Variants in PSEN2 observed in about 807,000 individuals in gnomAD.
PSEN2 encodes the protein presenilin-2.
A neutral mutation model predicts 49.1 loss-of-function variants in PSEN2; 32 were observed. That is an observed-to-expected ratio of 0.65 (90% CI 0.49 to 0.88). PSEN2 has a LOEUF of 0.88. PSEN2 is among the 40% of genes least tolerant of loss of function. The pLI is 0.00. For missense variants in PSEN2, 522 were observed against 586.9 expected, an observed-to-expected ratio of 0.89 and a Z score of 1.14; for synonymous variants, 255 against 244.0, an observed-to-expected ratio of 1.05 and a Z score of -0.42.
Position 226,882,975 on chromosome 1 carries a change from TTTC to T in PSEN2, c.142-727_142-725del, listed in dbSNP as rs139576184. On this transcript the variant is annotated intron_variant, in intron 4 of 12. Transcript: ENST00000366783. The stretch of plus-strand genomic sequence containing the variant: ...TTTCAGTTTTTGTTTCATTTGGCTT[TTTC>T]TTTAGCTGTTCACCTCATTAGCAAG... Among the ~76,000 whole-genome samples, 1,257 of 152,356 alleles carry T rather than the reference TTTC, an allele frequency of 8.3e-3. 13 individuals carry two copies. Among genetic ancestry groups the T allele is most frequent in the African/African-American group, 0.028 (1,182 of 41,574 alleles).
chr1:226,876,972 AT>A (rs1470195303), intron 3 of PSEN2, among the ~76,000 whole-genome samples: 2 of 151,852 alleles, frequency 1.3e-5, no homozygotes, highest in Non-Finnish European at 2.9e-5. Flanking sequence ...CTGGTCTGAG[AT>A]TTTTCCACTC....
chr1:226,873,471 G>A (rs932159736), intron 2 of PSEN2, among the ~76,000 whole-genome samples: 27 of 152,100 alleles, frequency 1.8e-4, no homozygotes, highest in African/African-American at 3.6e-4. Flanking sequence ...GCTGGAGTGC[G>A]ATGGTATGAT....
At position 226,895,434 on chromosome 1, in the gene PSEN2, T is replaced by A; in HGVS notation, c.1202T>A (p.Leu401Gln). 1 of 1,614,090 alleles carries A rather than the reference T, an allele frequency of 6.2e-7. No individual in the cohort carries two copies. The highest frequency in any genetic ancestry group is 8.5e-7 in the Non-Finnish European group (1 of 1,180,004). ...CFVAILIGLC[L>Q]TLLLLAVFKK... ...CTCCATGTCCTGCAGGGCTTGTGTCTGACCCTCCTGCTGCTTGCTGTGTTC... is the reference window on the plus strand; with the variant it reads ...CTCCATGTCCTGCAGGGCTTGTGTCAGACCCTCCTGCTGCTTGCTGTGTTC... The change falls in exon 13 of 13, where the codon CTG becomes CAG. Residue 401 changes from leucine (L) to glutamine (Q), a missense_variant. Physicochemically the swap from Leu to Gln is moderately radical, Grantham distance 113 (BLOSUM62 -2). Transcript: ENST00000366783.
At chr1:226,900,640 G>T (rs1571979565), downstream of PSEN2, among the ~76,000 whole-genome samples, 1 of 152,294 alleles carries the variant, frequency 6.6e-6, no homozygotes, top group East Asian at 1.9e-4. Context: ...GAAGGGTCCG[G>T]TCTGAGTGAA....
intron 3 of PSEN2, 56 bp from the exon 4 acceptor site, chr1:226,881,832 C>G: frequency 6.2e-7 from 1 of 1,610,386 alleles, no homozygotes; most frequent in Non-Finnish European, 8.5e-7. Context: ...CCTGAGTCCT[C>G]CACTGCCTTT....
chr1:226,889,157 T>A, intron 8 of PSEN2, 108 bp downstream of exon 8: 1 of 1,016,044 alleles, frequency 9.8e-7, no homozygotes, highest in Non-Finnish European at 1.5e-6. Context: ...CATCCCTTTC[T>A]GCAGAGGCCT....
At chr1:226,875,728 G>A (rs1182159494) in intron 3 of PSEN2, among the ~76,000 whole-genome samples, 178 bp downstream of exon 3, 1 of 152,182 alleles carries the variant, frequency 6.6e-6, no homozygotes, top group African/African-American at 2.4e-5. Context: ...TGAAAAGAAG[G>A]TCGAGGAAAT....
At chr1:226,883,614 C>T in intron 4 of PSEN2, 91 bp from the exon 5 acceptor site, 1 of 1,238,114 alleles carries the variant, frequency 8.1e-7, no homozygotes, top group Non-Finnish European at 1.2e-6. Context: ...AACATTCAAA[C>T]TTCTCATTTC....
At chr1:226,890,252 CCA>C (rs1661657039) in intron 9 of PSEN2, 119 bp downstream of exon 9, 1 of 833,548 alleles carries the variant, frequency 1.2e-6, no homozygotes, top group Admixed American at 1.8e-5. Flanking sequence ...AGGAGGGTCT[CCA>C]CTTTCAGAAG....
chr1:226,871,606 AACTT>A (rs1186873949), intron 2 of PSEN2, among the ~76,000 whole-genome samples: 2 of 152,220 alleles, frequency 1.3e-5, no homozygotes, highest in African/African-American at 2.4e-5. Context: ...ATTGTAGACT[AACTT>A]AACTCAGAAG....
In PSEN2 at chr1:226,894,103, C is replaced by G; in HGVS notation, c.1169C>G (p.Ala390Gly). The change falls in exon 12 of 13, where the codon GCC becomes GGC. Residue 390 changes from alanine to glycine, a missense_variant. Transcript: ENST00000366783. ...AGCGGGGACTGGAATACCACGCTGG[C>G]CTGCTTCGTGGCCATCCTCATTGTG... ...TGSGDWNTTL[A>G]CFVAILIGLC... 1 of 1,614,118 alleles carries G rather than the reference C, an allele frequency of 6.2e-7. No homozygotes were observed. The highest frequency in any genetic ancestry group is 8.5e-7 in the Non-Finnish European group (1 of 1,179,976).
In PSEN2 at chr1:226,895,601, T is replaced by C; in HGVS notation, c.*22T>C. ...CTGAGGGACATGGTGTGCCACAGGC[T>C]GCAAGCTGCAGGGAATTTTCATTGG... On this transcript the variant is annotated 3_prime_UTR_variant, in exon 13 of 13. Coordinates refer to ENST00000366783, the MANE Select transcript of PSEN2 (RefSeq NM_000447.3). 1 of 1,603,436 alleles carries C rather than the reference T, an allele frequency of 6.2e-7. No individual in the cohort carries two copies. Among genetic ancestry groups the C allele is most frequent in the Non-Finnish European group, 8.5e-7 (1 of 1,174,474 alleles).
At chr1:226,888,010 GT>G in intron 6 of PSEN2, 80 bp from the exon 7 acceptor site, 2 of 1,153,288 alleles carry the variant, frequency 1.7e-6, no homozygotes, top group Non-Finnish European at 2.6e-6. Flanking sequence ...TCAGGCTTGG[GT>G]ATCAGTCTCA....
At chr1:226,881,562 C>T (rs1293468506) in intron 3 of PSEN2, among the ~76,000 whole-genome samples, 1 of 152,180 alleles carries the variant, frequency 6.6e-6, no homozygotes, top group Admixed American at 6.5e-5. Flanking sequence ...ATCTTTGGTG[C>T]ATAATAGATG....
chr1:226,888,245 A>G, intron 7 of PSEN2, 87 bp downstream of exon 7: 5 of 1,252,898 alleles, frequency 4.0e-6, no homozygotes, highest in Non-Finnish European at 5.8e-6. Context: ...GGGCGGGGAA[A>G]GATGACCATC....
At position 226,883,781 on chromosome 1, in the gene PSEN2, C is replaced by A; in HGVS notation, c.218C>A (p.Pro73Gln). Reference protein sequence around the residue: ...YVCSGVPGRPPGLEEELTLKY... With the variant: ...YVCSGVPGRPQGLEEELTLKY... ...TGTAGTGGGGTTCCCGGGCGGCCGC[C>A]AGGCCTGGAGGAAGAGCTGACCCTC... Residue 73 changes from proline (P) to glutamine (Q), a missense_variant, in exon 5 of 13, where the codon CCA becomes CAA. Coordinates refer to ENST00000366783, the MANE Select transcript of PSEN2 (RefSeq NM_000447.3). 1 of 1,614,212 alleles carries A rather than the reference C, an allele frequency of 6.2e-7. No homozygotes were observed. The highest frequency in any genetic ancestry group is 1.1e-5 in the South Asian group (1 of 91,080).
Position 226,883,936 on chromosome 1 carries a change from GGGGGAGCAGGGTGGGGTGAGGGCTGA to G in PSEN2, c.356+19_356+44del. On this transcript the variant is annotated intron_variant, in intron 5 of 12. Transcript: ENST00000366783. The stretch of plus-strand genomic sequence containing the variant: ...TGGACAGCTGTGAGTTGGGGGGCTG[GGGGGAGCAGGGTGGGGTGAGGGCTGA>G]GTTGCCAGGGGGTGGGGGGCGCAGC... 2 of 1,595,696 alleles carry G rather than the reference GGGGGAGCAGGGTGGGGTGAGGGCTGA, an allele frequency of 1.3e-6. No homozygotes were observed. Among genetic ancestry groups the G allele is most frequent in the Non-Finnish European group, 1.7e-6 (2 of 1,166,928 alleles).
chr1:226,896,688 T>G (rs1303306739), downstream of PSEN2, among the ~76,000 whole-genome samples: 1 of 151,912 alleles, frequency 6.6e-6, no homozygotes, highest in Non-Finnish European at 1.5e-5. Flanking sequence ...ATAGTGAGAC[T>G]TTGTACAAAA....
At chr1:226,890,907 C>G (rs1661697120) in intron 9 of PSEN2, 1 of 275,606 alleles carries the variant, frequency 3.6e-6, no homozygotes, top group African/African-American at 2.2e-5. Flanking sequence ...CAGCGTGGCC[C>G]CACGGGAAAG....
Sources: gnomAD v4.1 joint callset for allele counts (sites outside exome capture counted in the v4.1 genomes callset) on GRCh38, gnomAD v4.1.1 for gene constraint, MANE v1.5 for transcripts, NCBI Gene and HGNC (gene_info 2026-07-23, HGNC 2026-07-21) for gene names.